KIT: variants seen among roughly 807,000 people sequenced by gnomAD.
The protein encoded by KIT is KIT proto-oncogene, receptor tyrosine kinase, also known as mast/stem cell growth factor receptor Kit.
KIT carries 16 observed loss-of-function variants against 105.7 expected under a neutral mutation model. That is an observed-to-expected ratio of 0.15 (90% CI 0.10 to 0.23). KIT has a LOEUF of 0.23. Among genes scored for constraint, KIT ranks in the 10% least tolerant of loss-of-function variants. The pLI is 1.00. For missense variants in KIT, 858 were observed against 1,213.8 expected (o/e 0.71, Z 4.36); for synonymous variants, 438 against 441.1 (o/e 0.99, Z 0.09).
chr4:54,665,611 A>AATTATCATGGG (rs1226162705), intron 1 of KIT, among the ~76,000 whole-genome samples: 8 of 152,114 alleles, frequency 5.3e-5, no homozygotes, highest in Admixed American at 5.2e-4. Context: ...GGAGAACTGG[A>AATTATCATGGG]ATTATCATGG....
chr4:54,691,169 T>C (rs147385143), intron 1 of KIT, among the ~76,000 whole-genome samples: 39 of 152,328 alleles, frequency 2.6e-4, no homozygotes, highest in African/African-American at 8.4e-4. Context: ...ACATCTGTTA[T>C]AGGGACTGGG....
intron 7 of KIT, among the ~76,000 whole-genome samples, chr4:54,713,248 A>G (rs994761365): frequency 1.3e-5 from 2 of 151,910 alleles, no homozygotes; most frequent in Non-Finnish European, 2.9e-5. Context: ...TATAGTCTTT[A>G]TCCCTCACCC....
intron 11 of KIT, 45 bp downstream of exon 11, chr4:54,727,587 C>T (rs753896623): frequency 6.2e-7 from 1 of 1,612,722 alleles, no homozygotes; most frequent in Non-Finnish European, 8.5e-7. Flanking sequence ...TTTGGGTACA[C>T]ATAACAGTGA....
chr4:54,698,217 T>C, intron 2 of KIT, 67 bp from the exon 3 acceptor site: 1 of 1,501,950 alleles, frequency 6.7e-7, no homozygotes, highest in African/African-American at 1.4e-5. Flanking sequence ...TATTAGATCT[T>C]TTAAAAAGTG....
At chr4:54,713,057 G>T (rs1461095618) in intron 7 of KIT, among the ~76,000 whole-genome samples, 2 of 126,888 alleles carry the variant, frequency 1.6e-5, no homozygotes, top group African/African-American at 5.0e-5. Flanking sequence ...TAGCTGATTT[G>T]TTGATTTTTT....
chr4:54,698,427 A>G lies in KIT; in HGVS notation c.481A>G (p.Arg161Gly). Residue 161 changes from arginine to glycine, a missense_variant, in exon 3 of 21, where the codon AGG (arginine) becomes GGG (glycine). Coordinates refer to ENST00000288135, the MANE Select transcript of KIT (RefSeq NM_000222.3). ...CQGKPLPKDL[R>G]FIPDPKAGIM... ...GGGGAAGCCTCTTCCCAAGGACTTG[A>G]GGTTTATTCCTGACCCCAAGGCGGG... 1 of 1,614,160 alleles carries G rather than the reference A, an allele frequency of 6.2e-7. No individual in the cohort carries two copies. The highest frequency in any genetic ancestry group is 1.1e-5 in the South Asian group (1 of 91,084).
At chr4:54,711,037 G>A (rs1241512263) in intron 7 of KIT, among the ~76,000 whole-genome samples, 4 of 152,034 alleles carry the variant, frequency 2.6e-5, no homozygotes, top group Middle Eastern at 3.2e-3. Flanking sequence ...GCACCACCAC[G>A]CACAGCTAAT....
chr4:54,708,034 G>A (rs941140639), intron 6 of KIT, among the ~76,000 whole-genome samples: 4 of 152,258 alleles, frequency 2.6e-5, no homozygotes, highest in East Asian at 1.9e-4. Context: ...AGATGATAGC[G>A]TCCTGGGCCA....
intron 13 of KIT, among the ~76,000 whole-genome samples, chr4:54,728,473 A>T (rs1371697420): frequency 6.6e-6 from 1 of 152,192 alleles, no homozygotes. Flanking sequence ...ATTAATTTGC[A>T]TACTACAATT....
chr4:54,717,335 A>T (rs1721571734), intron 7 of KIT, among the ~76,000 whole-genome samples: 2 of 152,142 alleles, frequency 1.3e-5, no homozygotes, highest in African/African-American at 4.8e-5. Context: ...TCCCTATCTC[A>T]TAAGAAAGTT....
intron 7 of KIT, among the ~76,000 whole-genome samples, chr4:54,721,078 G>A (rs1175063371): frequency 1.3e-5 from 2 of 152,184 alleles, no homozygotes; most frequent in African/African-American, 2.4e-5. Context: ...CTTACTGTGT[G>A]CCTGCTGTGG....
chr4:54,678,683 G>A (rs1718692093), intron 1 of KIT, among the ~76,000 whole-genome samples: 1 of 151,968 alleles, frequency 6.6e-6, no homozygotes, highest in African/African-American at 2.4e-5. Context: ...GCTCACCCAA[G>A]CTCAGAGAAG....
In KIT at chr4:54,725,956, A is replaced by C. The variant is rs755386780; in HGVS notation, c.1446A>C (p.Ala482=). The change falls in exon 9 of 21, where the codon GCA becomes GCC. Residue 482 remains alanine, a synonymous_variant. Coordinates refer to ENST00000288135, the MANE Select transcript of KIT (RefSeq NM_000222.3). ...LVVQSSIDSS[A]FKHNGTVECK... The stretch of plus-strand genomic sequence containing the variant: ...TTCAGAGTTCTATAGATTCTAGTGC[A>C]TTCAAGCACAATGGCACGGTTGAAT... 6.2e-7 allele frequency: 1 copy of C among 1,614,186 alleles called. No individual in the cohort carries two copies.
At chr4:54,689,700 A>G (rs1719558378) in intron 1 of KIT, among the ~76,000 whole-genome samples, 1 of 152,246 alleles carries the variant, frequency 6.6e-6, no homozygotes, top group Non-Finnish European at 1.5e-5. Flanking sequence ...TTTTTAAAAC[A>G]TTAATTGCAG....
At chr4:54,661,629 C>T (rs183521178) in intron 1 of KIT, among the ~76,000 whole-genome samples, 72 of 152,262 alleles carry the variant, frequency 4.7e-4, no homozygotes, top group African/African-American at 1.6e-3. Context: ...CATTAATGTG[C>T]GGTAACTTTT....
At chr4:54,674,470 T>C (rs974364729) in intron 1 of KIT, among the ~76,000 whole-genome samples, 1 of 152,104 alleles carries the variant, frequency 6.6e-6, no homozygotes, top group Non-Finnish European at 1.5e-5. Context: ...ATGTTGTCCA[T>C]GGTTTTTGAG....
intron 20 of KIT, among the ~76,000 whole-genome samples, chr4:54,737,955 A>G (rs1471613533): frequency 1.3e-5 from 2 of 152,164 alleles, no homozygotes; most frequent in Admixed American, 1.3e-4. Flanking sequence ...ATAGCACACC[A>G]CTGATAATTT....
intron 1 of KIT, among the ~76,000 whole-genome samples, chr4:54,675,897 G>T (rs946290769): frequency 6.6e-6 from 1 of 152,124 alleles, no homozygotes; most frequent in Non-Finnish European, 1.5e-5. Context: ...TTGCCACCCG[G>T]TGTCACTATT....
chr4:54,686,606 A>G (rs186318920), intron 1 of KIT, among the ~76,000 whole-genome samples: 18 of 152,312 alleles, frequency 1.2e-4, no homozygotes, highest in Admixed American at 1.0e-3. Flanking sequence ...GTGCAGTGGC[A>G]CAATCTCAGC....
Sources: allele counts gnomAD v4.1 joint callset (sites outside exome capture counted in the v4.1 genomes callset), GRCh38; gene constraint gnomAD v4.1.1; transcripts MANE v1.5; gene names NCBI Gene and HGNC (gene_info 2026-07-23, HGNC 2026-07-21).